The following DOCK3 variants were observed in gnomAD, a reference collection of about 807,000 sequenced individuals.
DOCK3 encodes the protein dedicator of cytokinesis 3.
DOCK3 carries 60 observed loss-of-function variants against 265.6 expected under a neutral mutation model. That is an observed-to-expected ratio of 0.23 (90% CI 0.18 to 0.28). The LOEUF (loss-of-function observed/expected upper bound fraction) is 0.28, where lower values mean the gene tolerates loss of function less well. DOCK3 is among the 10% of genes least tolerant of loss of function. The probability of loss-of-function intolerance (pLI) is 1.00; values close to 1 mark genes in which losing one functional copy is unlikely to be tolerated. For missense variants in DOCK3, 1,981 were observed against 2,594.3 expected (o/e 0.76, Z 5.14); for synonymous variants, 881 against 938.0 (o/e 0.94, Z 1.11).
rs150862094 is a variant in DOCK3 at position 50,797,532 on chromosome 3, G to A, written c.121+18774G>A. Among the ~76,000 whole-genome samples the A allele has an allele frequency of 3.9e-4, 59 of 152,326 alleles. 1 individual carries two copies. Among genetic ancestry groups the A allele is most frequent in the African/African-American group, 8.4e-4 (35 of 41,582 alleles). ...GCAGCACCTTTCCAGCTAAATGTCA[G>A]CACTGCAGAGGCTTCTCTGCTTCTG... is the stretch of plus-strand genomic sequence containing the variant. On this transcript the variant is annotated intron_variant, in intron 2 of 52. Coordinates refer to ENST00000266037, the MANE Select transcript of DOCK3 (RefSeq NM_004947.5).
chr3:50,950,578 A>G (rs1301291510), intron 5 of DOCK3, among the ~76,000 whole-genome samples: 1 of 152,034 alleles, frequency 6.6e-6, no homozygotes, highest in Non-Finnish European at 1.5e-5. Flanking sequence ...CCTGAGACCC[A>G]AGCTGAGACC....
At chr3:51,229,344 A>G (rs138904073) in intron 18 of DOCK3, among the ~76,000 whole-genome samples, 168 bp from the exon 19 acceptor site, 7 of 152,212 alleles carry the variant, frequency 4.6e-5, no homozygotes, top group Non-Finnish European at 8.8e-5. Context: ...CCAGCTACTC[A>G]GGAGGCTGAG....
intron 10 of DOCK3, among the ~76,000 whole-genome samples, chr3:51,154,363 G>A (rs150551239): frequency 4.6e-5 from 7 of 152,282 alleles, no homozygotes; most frequent in South Asian, 4.1e-4. Context: ...CCATGATGGC[G>A]GTTAAGGGAG....
intron 2 of DOCK3, among the ~76,000 whole-genome samples, chr3:50,831,063 A>C (rs906231255): frequency 1.3e-5 from 2 of 152,046 alleles, no homozygotes; most frequent in Non-Finnish European, 1.5e-5. Context: ...ACTGGTGGGC[A>C]TGTCTTTTAG....
At position 51,164,020 on chromosome 3, in the gene DOCK3, T is replaced by C. The variant is rs978153258; in HGVS notation, c.1037+3318T>C. Among the ~76,000 whole-genome samples the C allele has an allele frequency of 3.3e-5, 5 of 152,324 alleles. No individual in the cohort carries two copies. The East Asian group carries it at 5.8e-4, about 18-fold the overall frequency. On this transcript the variant is annotated intron_variant, in intron 12 of 52. Transcript: ENST00000266037. ...GCACATTATTTTTACTCCCACCAGA[T>C]TGGCTTTAATGCATCATTCTTTGAC...
chr3:51,224,227 C>T (rs2090226776), intron 14 of DOCK3, among the ~76,000 whole-genome samples: 1 of 152,162 alleles, frequency 6.6e-6, no homozygotes, highest in Admixed American at 6.5e-5. Context: ...ACTTTTCTTA[C>T]CCACTTTAGC....
chr3:51,292,641 T>C (rs1466509055), intron 27 of DOCK3, among the ~76,000 whole-genome samples: 3 of 152,154 alleles, frequency 2.0e-5, no homozygotes, highest in African/African-American at 4.8e-5. Flanking sequence ...CCATCCTGTT[T>C]ACAATAGTAT....
At chr3:51,230,226 AG>A (rs2090488761) in intron 19 of DOCK3, among the ~76,000 whole-genome samples, 2 of 152,182 alleles carry the variant, frequency 1.3e-5, no homozygotes, top group Admixed American at 1.3e-4. Flanking sequence ...CTGATCACTG[AG>A]GTAGTAAGCA....
In DOCK3 at chr3:51,054,235, A is replaced by C. The variant is rs114015218; in HGVS notation, c.316-10213A>C. 3.0e-3 allele frequency among the ~76,000 whole-genome samples: 452 copies of C among 151,556 alleles called. 3 individuals are homozygous for C. Among genetic ancestry groups the C allele is most frequent in the African/African-American group, 0.01 (432 of 41,368 alleles). ...TACCTTTGATTGATAGCTTGGCTGG[A>C]TATATACTTCTTTGTTACAAATAAG... On this transcript the variant is annotated intron_variant, in intron 5 of 52. Coordinates refer to ENST00000266037, the MANE Select transcript of DOCK3 (RefSeq NM_004947.5).
rs568879003 is a variant in DOCK3 at position 51,188,820 on chromosome 3, ATT to A, written c.1038-19951_1038-19950del. On this transcript the variant is annotated intron_variant, in intron 12 of 52. Coordinates refer to ENST00000266037, the MANE Select transcript of DOCK3 (RefSeq NM_004947.5). The stretch of plus-strand genomic sequence containing the variant: ...GTGGGGGTGTGGGTGTGTGTATCAC[ATT>A]TTCTTTTCTTATCTGTTCATTCATT... Among the ~76,000 whole-genome samples, 24 of 151,706 alleles carry A rather than the reference ATT, an allele frequency of 1.6e-4. No homozygotes were observed. In the East Asian group the frequency reaches 4.3e-3, roughly 27 times the overall value.
chr3:50,815,113 G>A (rs1415170740), intron 2 of DOCK3, among the ~76,000 whole-genome samples: 1 of 152,036 alleles, frequency 6.6e-6, no homozygotes, highest in Non-Finnish European at 1.5e-5. Flanking sequence ...GTGAGCCACC[G>A]CGCCCAGCCT....
chr3:51,290,449 A>G (rs1431194685), intron 27 of DOCK3, among the ~76,000 whole-genome samples: 1 of 151,872 alleles, frequency 6.6e-6, no homozygotes, highest in Admixed American at 6.6e-5. Context: ...AAATCCAAAC[A>G]CCACATGTTC....
intron 4 of DOCK3, among the ~76,000 whole-genome samples, chr3:50,928,208 C>A (rs921807552): frequency 6.6e-6 from 1 of 151,072 alleles, no homozygotes. Flanking sequence ...GCATCAAATA[C>A]ATTCACAATG....
chr3:50,786,922 G>T, intron 2 of DOCK3: 1 of 738,026 alleles, frequency 1.4e-6, no homozygotes, highest in South Asian at 1.4e-5. Context: ...TACTGCATTT[G>T]AATGATTTTC....
chr3:51,065,708 G>A (rs1560012523), intron 6 of DOCK3, among the ~76,000 whole-genome samples: 1 of 152,164 alleles, frequency 6.6e-6, no homozygotes. Flanking sequence ...CCACATTCTG[G>A]CATTTAAGGA....
At chr3:51,295,050 A>C (rs1415568604) in intron 27 of DOCK3, among the ~76,000 whole-genome samples, 1 of 152,250 alleles carries the variant, frequency 6.6e-6, no homozygotes, top group East Asian at 1.9e-4. Context: ...AATTTTTTAA[A>C]TCGGTGTAAT....
chr3:50,852,743 A>G (rs1028750368), intron 3 of DOCK3, among the ~76,000 whole-genome samples: 1 of 151,972 alleles, frequency 6.6e-6, no homozygotes, highest in East Asian at 1.9e-4. Flanking sequence ...TTTGTGTATT[A>G]TTTAACATGT....
intron 1 of DOCK3, among the ~76,000 whole-genome samples, chr3:50,692,328 A>G (rs1576116461): frequency 6.6e-6 from 1 of 152,148 alleles, no homozygotes. Flanking sequence ...CAATTTTTCC[A>G]TGGACCGCAG....
chr3:51,354,229 C>CG (rs1406662579), intron 40 of DOCK3, among the ~76,000 whole-genome samples: 1 of 151,608 alleles, frequency 6.6e-6, no homozygotes, highest in Non-Finnish European at 1.5e-5. Flanking sequence ...CACCCCCCCC[C>CG]CATTTAAAAT....
Sources: gnomAD v4.1 joint callset for allele counts (sites outside exome capture counted in the v4.1 genomes callset) on GRCh38, gnomAD v4.1.1 for gene constraint, MANE v1.5 for transcripts, NCBI Gene and HGNC (gene_info 2026-07-23, HGNC 2026-07-21) for gene names.